Variants in PRKN observed in about 807,000 individuals in gnomAD.
PRKN encodes E3 ubiquitin-protein ligase parkin.
PRKN carries 56 observed loss-of-function variants against 59.5 expected under a neutral mutation model. That is an observed-to-expected ratio of 0.94 (90% CI 0.76 to 1.18). PRKN has a LOEUF of 1.18. Ranked by LOEUF, PRKN falls within the 50% of genes most tolerant of loss-of-function variation. PRKN has a pLI of 0.00. For missense variants in PRKN, 657 were observed against 596.4 expected, an observed-to-expected ratio of 1.10 and a Z score of -1.06; for synonymous variants, 250 against 222.1, an observed-to-expected ratio of 1.13 and a Z score of -1.12.
rs1025559649 is a variant in PRKN at position 161,440,127 on chromosome 6, G to A, written c.1084-53250C>T. On this transcript the variant is annotated intron_variant, in intron 9 of 11. Coordinates refer to ENST00000366898, the MANE Select transcript of PRKN (RefSeq NM_004562.3). This position sits in a 1 kb window ranked among gnomAD's most constrained non-coding sequence, Gnocchi z 4.1. ...CACCACGCCCGGCTAATTTTTTTTGGTATTTTTAGTAGAGACGGGGTTTCA... is the reference window on the plus strand; with the variant it reads ...CACCACGCCCGGCTAATTTTTTTTGATATTTTTAGTAGAGACGGGGTTTCA... 5.3e-5 allele frequency among the ~76,000 whole-genome samples: 8 copies of A among 150,736 alleles called. No homozygotes were observed. The highest frequency in any genetic ancestry group is 7.4e-5 in the Non-Finnish European group (5 of 67,656).
intron 6 of PRKN, among the ~76,000 whole-genome samples, chr6:161,800,572 A>G (rs1385458265): frequency 2.0e-5 from 3 of 152,226 alleles, no homozygotes; most frequent in Non-Finnish European, 4.4e-5. Context: ...TACCATGCCC[A>G]GTGCTGGGCA....
chr6:162,546,874 A>G (rs143849231), intron 1 of PRKN, among the ~76,000 whole-genome samples: 41 of 152,316 alleles, frequency 2.7e-4, no homozygotes, highest in Middle Eastern at 6.8e-3. Flanking sequence ...GGCACTGATC[A>G]GGAAAACAGC....
rs561136514 is a variant in PRKN, at chr6:162,623,893, G to A, written c.7+103769C>T. 3.9e-5 allele frequency among the ~76,000 whole-genome samples: 6 copies of A among 152,234 alleles called. No homozygotes were observed. The South Asian group carries it at 1.2e-3, about 32-fold the overall frequency. On this transcript the variant is annotated intron_variant, in intron 1 of 11. Coordinates refer to ENST00000366898, the MANE Select transcript of PRKN (RefSeq NM_004562.3). ...GAAGGCTGAAGGTGGGGGCAGAGATGCTTCACAGCCTAGCTTCATTCAGGG... is the reference window on the plus strand; with the variant it reads ...GAAGGCTGAAGGTGGGGGCAGAGATACTTCACAGCCTAGCTTCATTCAGGG...
chr6:161,628,163 C>T (rs930490970), intron 7 of PRKN, among the ~76,000 whole-genome samples: 1 of 152,290 alleles, frequency 6.6e-6, no homozygotes, highest in Non-Finnish European at 1.5e-5. Context: ...ATGTCATTTA[C>T]ATGATTTTAG....
rs1024204235 is a variant in PRKN, at chr6:161,503,576, G to A, written c.1083+45278C>T. Among the ~76,000 whole-genome samples, 2 of 152,162 alleles carry A rather than the reference G, an allele frequency of 1.3e-5. No individual in the cohort carries two copies. The highest frequency in any genetic ancestry group is 1.3e-4 in the Admixed American group (2 of 15,284). ...CCCTCATTTAACAGAGGTTTATGGA[G>A]GTGAGGGACTGGACTGAGGGGGCTA... On this transcript the variant is annotated intron_variant, in intron 9 of 11. Transcript: ENST00000366898. The surrounding 1 kb of genome is among the most constrained non-coding windows in gnomAD (Gnocchi z 5.1).
At chr6:162,400,213 AAAAC>A (rs1467202519) in intron 2 of PRKN, among the ~76,000 whole-genome samples, 183 of 152,166 alleles carry the variant, frequency 1.2e-3, no homozygotes, top group Non-Finnish European at 1.6e-3. Context: ...TCTCAAGAAA[AAAAC>A]AAACAAACAA....
At chr6:162,526,861 C>T (rs1778309998) in intron 1 of PRKN, among the ~76,000 whole-genome samples, 1 of 152,112 alleles carries the variant, frequency 6.6e-6, no homozygotes, top group African/African-American at 2.4e-5. Context: ...TGATGTATGG[C>T]ACGTGGCTAA....
At chr6:162,679,074 CTTTATTTATTTA>C (rs71008105) in intron 1 of PRKN, among the ~76,000 whole-genome samples, 5 of 138,114 alleles carry the variant, frequency 3.6e-5, no homozygotes, top group Admixed American at 1.5e-4. Flanking sequence ...TGTGCCTGGC[CTTTATTTATTTA>C]TTTATTTATT....
intron 1 of PRKN, among the ~76,000 whole-genome samples, chr6:162,713,222 G>A (rs1000897460): frequency 3.3e-5 from 5 of 152,130 alleles, no homozygotes; most frequent in African/African-American, 9.7e-5. Context: ...GGTCTCTTTG[G>A]CCAGGCTCAC....
intron 1 of PRKN, among the ~76,000 whole-genome samples, chr6:162,467,666 C>A (rs1202204910): frequency 6.6e-6 from 1 of 152,116 alleles, no homozygotes; most frequent in Non-Finnish European, 1.5e-5. Flanking sequence ...AATCCCTTGA[C>A]ACAAGAAAAA....
rs2128187863 is a variant in PRKN at position 161,729,926 on chromosome 6, C to G, written c.871+55846G>C. Among the ~76,000 whole-genome samples, 4 of 151,564 alleles carry G rather than the reference C, an allele frequency of 2.6e-5. 1 individual carries two copies. The highest frequency in any genetic ancestry group is 2.6e-4 in the Admixed American group (4 of 15,276). ...TGCATTCTTTCTGATGTGCTGCATT[C>G]TGACATGTTGCATTCTTTCTGATGT... On this transcript the variant is annotated intron_variant, in intron 7 of 11. Coordinates refer to ENST00000366898, the MANE Select transcript of PRKN (RefSeq NM_004562.3).
intron 6 of PRKN, among the ~76,000 whole-genome samples, chr6:161,805,054 C>A (rs1295645777): frequency 2.6e-5 from 4 of 152,092 alleles, no homozygotes; most frequent in Non-Finnish European, 5.9e-5. Flanking sequence ...ATCGTATGGC[C>A]ACTAAACCAC....
At chr6:162,608,216 G>A (rs1382377033) in intron 1 of PRKN, among the ~76,000 whole-genome samples, 1 of 152,210 alleles carries the variant, frequency 6.6e-6, no homozygotes, top group African/African-American at 2.4e-5. Context: ...AGGGAAGACT[G>A]ACGTATCGGG....
chr6:162,301,479 C>A lies in PRKN; in HGVS notation c.172-38714G>T, dbSNP rs1172335794. 2.0e-5 allele frequency among the ~76,000 whole-genome samples: 3 copies of A among 152,096 alleles called. No homozygotes were observed. The East Asian group carries it at 5.8e-4, about 29-fold the overall frequency. Reference sequence around the variant, plus strand: ...CTGACAGGGCGGCCTAGACAACAGACACTGATTTTCTCGTGGCTCTGCAGA... The same window carrying A: ...CTGACAGGGCGGCCTAGACAACAGAAACTGATTTTCTCGTGGCTCTGCAGA... On this transcript the variant is annotated intron_variant, in intron 2 of 11. Coordinates refer to ENST00000366898, the MANE Select transcript of PRKN (RefSeq NM_004562.3).
intron 1 of PRKN, among the ~76,000 whole-genome samples, chr6:162,683,212 G>A (rs1219302675): frequency 6.6e-6 from 1 of 152,150 alleles, no homozygotes; most frequent in Non-Finnish European, 1.5e-5. Context: ...CTGTCCAAAA[G>A]AGTAATCACT....
intron 1 of PRKN, among the ~76,000 whole-genome samples, chr6:162,698,080 T>G (rs1237847324): frequency 6.6e-6 from 1 of 152,200 alleles, no homozygotes; most frequent in African/African-American, 2.4e-5. Flanking sequence ...ACTAAAAGCC[T>G]ATGCTAATGT....
In PRKN at chr6:161,443,456, C is replaced by T. The variant is rs534003862; in HGVS notation, c.1084-56579G>A. Among the ~76,000 whole-genome samples, 12 of 152,234 alleles carry T rather than the reference C, an allele frequency of 7.9e-5. No individual in the cohort carries two copies. The South Asian group carries it at 1.2e-3, about 16-fold the overall frequency. Reference sequence around the variant, plus strand: ...CAAGCGCAGGAGTTTGATGGTACCACGAAGCGCCACAGGGTGTGGGAGCCT... The same window carrying T: ...CAAGCGCAGGAGTTTGATGGTACCATGAAGCGCCACAGGGTGTGGGAGCCT... On this transcript the variant is annotated intron_variant, in intron 9 of 11. Coordinates refer to ENST00000366898, the MANE Select transcript of PRKN (RefSeq NM_004562.3).
intron 2 of PRKN, among the ~76,000 whole-genome samples, chr6:162,302,930 G>T (rs1341195521): frequency 3.3e-5 from 5 of 149,334 alleles, no homozygotes; most frequent in Non-Finnish European, 5.9e-5. Flanking sequence ...ATAATGCTAA[G>T]GGCCTATGGG....
rs148078616 is a variant in PRKN at position 161,632,213 on chromosome 6, C to T, written c.872-62797G>A. Among the ~76,000 whole-genome samples the T allele has an allele frequency of 1.8e-3, 272 of 152,146 alleles. 1 individual carries two copies. Among genetic ancestry groups the T allele is most frequent in the African/African-American group, 6.0e-3 (248 of 41,526 alleles). ...TTTTTAGTTTTAATGATAGTCACAG[C>T]GTCACACATTTTTGTTCATTAGCAT... On this transcript the variant is annotated intron_variant, in intron 7 of 11. Transcript: ENST00000366898.
Sources: allele counts gnomAD v4.1 joint callset (sites outside exome capture counted in the v4.1 genomes callset), GRCh38; gene constraint gnomAD v4.1.1; non-coding constraint Gnocchi (gnomAD v3.1); transcripts MANE v1.5; gene names NCBI Gene and HGNC (gene_info 2026-07-23, HGNC 2026-07-21).